Variants in NKAIN2 observed in about 807,000 individuals in gnomAD.
NKAIN2 encodes sodium/potassium transporting ATPase interacting 2, also known as sodium/potassium-transporting ATPase subunit beta-1-interacting protein 2.
NKAIN2 carries 14 observed loss-of-function variants against 32.6 expected under a neutral mutation model. The ratio of observed to expected loss-of-function variants is 0.43; its 90% confidence interval spans 0.28 to 0.67. The LOEUF is 0.67. NKAIN2 is among the 30% of genes least tolerant of loss of function. The pLI is 0.17. For synonymous variants in NKAIN2, 80 were observed against 87.2 expected (o/e 0.92, Z 0.46); for missense variants, 198 against 258.3 (o/e 0.77, Z 1.60).
intron 1 of NKAIN2, among the ~76,000 whole-genome samples, chr6:124,171,266 C>T (rs1582785475): frequency 6.6e-6 from 1 of 151,962 alleles, no homozygotes; most frequent in Non-Finnish European, 1.5e-5. Flanking sequence ...ACAAAATTTT[C>T]CCGTGTTCTG....
intron 5 of NKAIN2, among the ~76,000 whole-genome samples, chr6:124,812,743 T>C (rs1304256686): frequency 6.6e-6 from 1 of 151,838 alleles, no homozygotes; most frequent in Non-Finnish European, 1.5e-5. Flanking sequence ...CTTTTTTTTT[T>C]CTTTAAAAGC....
chr6:124,184,311 A>G (rs1413358052), intron 1 of NKAIN2, among the ~76,000 whole-genome samples: 1 of 151,980 alleles, frequency 6.6e-6, no homozygotes, highest in East Asian at 1.9e-4. Context: ...AAGGGCTCCC[A>G]GACCATTTTG....
chr6:123,848,734 G>C (rs1182892252), intron 1 of NKAIN2, among the ~76,000 whole-genome samples: 1 of 152,178 alleles, frequency 6.6e-6, no homozygotes, highest in Non-Finnish European at 1.5e-5. Context: ...GCCAAAGGGT[G>C]TGTGCTTACT....
chr6:123,963,231 AG>A (rs370668662), intron 1 of NKAIN2, among the ~76,000 whole-genome samples: 405 of 152,286 alleles, frequency 2.7e-3, no homozygotes, highest in Non-Finnish European at 4.8e-3. Flanking sequence ...ATTGTTTTCT[AG>A]GCAATTTTTA....
chr6:124,545,637 AATATAT>A (rs200590738), intron 3 of NKAIN2, among the ~76,000 whole-genome samples: 3 of 150,900 alleles, frequency 2.0e-5, no homozygotes, highest in South Asian at 4.2e-4. Context: ...TATGTCTAGG[AATATAT>A]ATATATGTAT....
chr6:124,102,965 C>T (rs565514121), intron 1 of NKAIN2, among the ~76,000 whole-genome samples: 6 of 152,026 alleles, frequency 3.9e-5, no homozygotes, highest in Non-Finnish European at 7.4e-5. Context: ...AAAAATCTGT[C>T]ATTGACTGGA....
chr6:124,201,998 G>GTGAAATT (rs1790616184), intron 1 of NKAIN2, among the ~76,000 whole-genome samples: 1 of 151,874 alleles, frequency 6.6e-6, no homozygotes, highest in Admixed American at 6.6e-5. Flanking sequence ...ATCAACAAAC[G>GTGAAATT]TGGTTAGCTA....
intron 3 of NKAIN2, among the ~76,000 whole-genome samples, chr6:124,614,982 C>G (rs570791301): frequency 7.9e-5 from 12 of 152,326 alleles, no homozygotes; most frequent in African/African-American, 2.6e-4. Context: ...CGGTGCTGAA[C>G]AGTGTCTTCG....
At chr6:123,832,498 A>T (rs9482472) in intron 1 of NKAIN2, among the ~76,000 whole-genome samples, 11,079 of 152,198 alleles carry the variant, frequency 0.073, 841 homozygotes, top group African/African-American at 0.19. Context: ...CAAGAAGCGC[A>T]ATTTTTGTAT....
At chr6:124,290,746 C>T (rs1795772042) in intron 2 of NKAIN2, among the ~76,000 whole-genome samples, 1 of 150,784 alleles carries the variant, frequency 6.6e-6, no homozygotes. Context: ...ATCCTAAATA[C>T]ATTTCCAATT....
At chr6:124,554,887 T>C (rs1440512295) in intron 3 of NKAIN2, among the ~76,000 whole-genome samples, 3 of 152,208 alleles carry the variant, frequency 2.0e-5, no homozygotes, top group Non-Finnish European at 4.4e-5. Context: ...GCTACAAGGC[T>C]GAAGTGTGGC....
intron 1 of NKAIN2, among the ~76,000 whole-genome samples, chr6:124,109,534 CAT>C (rs1785273212): frequency 6.6e-6 from 1 of 151,984 alleles, no homozygotes; most frequent in South Asian, 2.1e-4. Context: ...TATATGAATA[CAT>C]ATATACGATC....
chr6:124,251,272 G>A (rs184938386), intron 1 of NKAIN2, among the ~76,000 whole-genome samples: 15 of 152,008 alleles, frequency 9.9e-5, no homozygotes, highest in Admixed American at 8.5e-4. Context: ...TAAAGTATAA[G>A]GAGACAGATT....
At chr6:124,455,349 A>G (rs1223238628) in intron 3 of NKAIN2, among the ~76,000 whole-genome samples, 1 of 152,082 alleles carries the variant, frequency 6.6e-6, no homozygotes, top group Non-Finnish European at 1.5e-5. Flanking sequence ...ATCTGAGGTA[A>G]AACTCCTAAA....
At position 124,334,726 on chromosome 6, in the gene NKAIN2, G is replaced by A. The variant is rs537987487; in HGVS notation, c.193-20541G>A. Among the ~76,000 whole-genome samples, 3 of 88,084 alleles carry A rather than the reference G, an allele frequency of 3.4e-5. No individual in the cohort carries two copies. In the South Asian group the frequency reaches 1.2e-3, roughly 34 times the overall value. 57.8% of individuals were successfully genotyped at this position (88,084 alleles called of 152,430 possible). ...GTGATCTTGCGGCATCTAGCTGCAT[G>A]ACTCCTCGCCAGAACTTCTAATTTG... On this transcript the variant is annotated intron_variant, in intron 2 of 6. Transcript: ENST00000368417.
intron 1 of NKAIN2, among the ~76,000 whole-genome samples, chr6:124,080,435 A>T (rs1000292992): frequency 1.3e-5 from 2 of 152,120 alleles, no homozygotes; most frequent in African/African-American, 2.4e-5. Flanking sequence ...AGATATTTTT[A>T]AAGATTTGAA....
At chr6:124,495,383 T>TTTGTTGTTGTTG (rs538949841) in intron 3 of NKAIN2, among the ~76,000 whole-genome samples, 4 of 151,956 alleles carry the variant, frequency 2.6e-5, no homozygotes, top group African/African-American at 9.7e-5. Flanking sequence ...GTTTGTTTGC[T>TTTGTTGTTGTTG]TTGTTGTTGT....
intron 4 of NKAIN2, among the ~76,000 whole-genome samples, chr6:124,773,304 AGAG>A (rs1199043815): frequency 1.3e-5 from 2 of 152,158 alleles, no homozygotes; most frequent in Non-Finnish European, 2.9e-5. Flanking sequence ...GGAAGGAGAA[AGAG>A]GAGGGAGAGA....
intron 1 of NKAIN2, among the ~76,000 whole-genome samples, chr6:124,279,506 A>C: frequency 7.8e-6 from 1 of 128,150 alleles, no homozygotes; most frequent in South Asian, 2.4e-4. Flanking sequence ...GCAAGATTCC[A>C]TCTCAAAAAA....
Sources: gnomAD v4.1 joint callset for allele counts (sites outside exome capture counted in the v4.1 genomes callset) on GRCh38, gnomAD v4.1.1 for gene constraint, MANE v1.5 for transcripts, NCBI Gene and HGNC (gene_info 2026-07-23, HGNC 2026-07-21) for gene names.